ELAVL2: variants seen among roughly 807,000 people sequenced by gnomAD.
ELAVL2 encodes the protein ELAV like RNA binding protein 2.
A neutral mutation model predicts 34.6 loss-of-function variants in ELAVL2; 4 were observed. The observed-to-expected ratio is 0.12, with a 90% CI of 0.06 to 0.26. The LOEUF (loss-of-function observed/expected upper bound fraction) is 0.26. Ranked by LOEUF, ELAVL2 falls within the 10% of genes least tolerant of loss-of-function variation. ELAVL2 has a pLI of 1.00. For missense variants in ELAVL2, 432 were observed against 442.8 expected (o/e 0.98, Z 0.22); for synonymous variants, 193 against 154.8 (o/e 1.25, Z -1.83).
intron 1 of ELAVL2, among the ~76,000 whole-genome samples, chr9:23,762,514 CT>C (rs2055273050): frequency 6.6e-6 from 1 of 152,098 alleles, no homozygotes; most frequent in South Asian, 2.1e-4. Flanking sequence ...GAATCACATT[CT>C]GGGTCTATTC....
the ELAVL2 span, among the ~76,000 whole-genome samples, chr9:23,840,329 T>A: frequency 6.6e-6 from 1 of 152,174 alleles, no homozygotes; most frequent in African/African-American, 2.4e-5. Context: ...TTTTTTCTTT[T>A]CAAGTACAGA....
In ELAVL2 at chr9:23,780,107, C is replaced by T. The variant is rs371054285; in HGVS notation, c.-15-17858G>A. 8.8e-5 allele frequency among the ~76,000 whole-genome samples: 13 copies of T among 147,052 alleles called. No homozygotes were observed. The East Asian group carries it at 2.5e-3, about 28-fold the overall frequency. On this transcript the variant is annotated intron_variant, in intron 1 of 6. Coordinates refer to ENST00000397312, the MANE Select transcript of ELAVL2 (RefSeq NM_004432.5). ...TTCCTAAATCTGCAGAGAATATCATCTATTCTACAAAACCTCACACATAAC... is the reference window on the plus strand; with the variant it reads ...TTCCTAAATCTGCAGAGAATATCATTTATTCTACAAAACCTCACACATAAC...
upstream of ELAVL2, among the ~76,000 whole-genome samples, chr9:23,828,622 GT>G (rs962243770): frequency 3.3e-5 from 5 of 151,636 alleles, no homozygotes; most frequent in African/African-American, 9.7e-5. Context: ...AGTATTTATG[GT>G]TTTTTTTCAG....
At chr9:23,838,939 C>T in the ELAVL2 span, among the ~76,000 whole-genome samples, 1 of 152,200 alleles carries the variant, frequency 6.6e-6, no homozygotes, top group South Asian at 2.1e-4. Flanking sequence ...TTTTCATATT[C>T]TTTAATTTTT....
At chr9:23,743,721 TA>T (rs771626266) in intron 2 of ELAVL2, among the ~76,000 whole-genome samples, 5 of 152,184 alleles carry the variant, frequency 3.3e-5, no homozygotes, top group Non-Finnish European at 5.9e-5. Context: ...CAAGTACTCT[TA>T]AATGTATAAC....
At chr9:23,721,233 A>T (rs764540846) in intron 3 of ELAVL2, among the ~76,000 whole-genome samples, 22 of 152,352 alleles carry the variant, frequency 1.4e-4, no homozygotes, top group Middle Eastern at 3.4e-3. Context: ...CCAAGAACCC[A>T]GACTGGCTGG....
intron 5 of ELAVL2, among the ~76,000 whole-genome samples, chr9:23,697,487 T>C (rs2035660635): frequency 6.6e-6 from 1 of 152,218 alleles, no homozygotes; most frequent in African/African-American, 2.4e-5. Flanking sequence ...GTCTCATCTT[T>C]ATCCTTTTTT....
chr9:23,845,951 G>A, the ELAVL2 span, among the ~76,000 whole-genome samples: 25 of 151,780 alleles, frequency 1.6e-4, no homozygotes, highest in Non-Finnish European at 3.0e-4. Flanking sequence ...TGTCAATGAT[G>A]TCCTTAAACA....
At position 23,799,366 on chromosome 9, in the gene ELAVL2, GA is replaced by G. The variant is rs1032829221; in HGVS notation, c.-16+26439del. Among the ~76,000 whole-genome samples, 3 of 152,238 alleles carry G rather than the reference GA, an allele frequency of 2.0e-5. No homozygotes were observed. The East Asian group carries it at 5.8e-4, about 29-fold the overall frequency. On this transcript the variant is annotated intron_variant, in intron 1 of 6. Transcript: ENST00000397312. ...TCCCATCCCGCATTTTAAGAGATAA[GA>G]AACCCAGGACCTGAAAAGTGAGTAT... is the stretch of plus-strand genomic sequence containing the variant.
intron 1 of ELAVL2, among the ~76,000 whole-genome samples, chr9:23,773,070 AG>A (rs1484350605): frequency 6.6e-6 from 1 of 152,172 alleles, no homozygotes; most frequent in Non-Finnish European, 1.5e-5. Flanking sequence ...AAGAAAAAAA[AG>A]TGGGGGAGGG....
At chr9:23,843,293 G>T in the ELAVL2 span, among the ~76,000 whole-genome samples, 1 of 151,916 alleles carries the variant, frequency 6.6e-6, no homozygotes, top group Non-Finnish European at 1.5e-5. Flanking sequence ...AATGAACACA[G>T]GGAAATAAAA....
intron 1 of ELAVL2, among the ~76,000 whole-genome samples, chr9:23,794,454 A>G (rs2060676153): frequency 6.6e-6 from 1 of 152,234 alleles, no homozygotes; most frequent in African/African-American, 2.4e-5. Context: ...CAGAGTTCCT[A>G]AAAGCTTCTG....
chr9:23,771,191 C>A (rs2057243844), intron 1 of ELAVL2, among the ~76,000 whole-genome samples: 1 of 152,130 alleles, frequency 6.6e-6, no homozygotes, highest in Middle Eastern at 3.2e-3. Context: ...GGGGAGAAGT[C>A]ATCAGATTCT....
intron 4 of ELAVL2, among the ~76,000 whole-genome samples, chr9:23,702,160 C>A (rs770913788): frequency 2.0e-5 from 3 of 152,076 alleles, no homozygotes; most frequent in African/African-American, 7.2e-5. Context: ...GATATAGGTC[C>A]TTTAGGAAAA....
chr9:23,692,777 G>A lies in ELAVL2; in HGVS notation c.860C>T (p.Ala287Val), dbSNP rs1182927791. 6.2e-7 allele frequency: 1 copy of A among 1,614,048 alleles called. No individual in the cohort carries two copies. Among genetic ancestry groups the A allele is most frequent in the African/African-American group, 1.3e-5 (1 of 74,924 alleles). Reference protein sequence around the residue: ...CIFVYNLAPDADESILWQMFG... With the variant: ...CIFVYNLAPDVDESILWQMFG... Reference sequence around the variant, plus strand: ...CATTTGCCACAGGATACTCTCATCTGCGTCAGGAGCCAGGTTGTACACAAA... The same window carrying A: ...CATTTGCCACAGGATACTCTCATCTACGTCAGGAGCCAGGTTGTACACAAA... Residue 287 changes from alanine (A) to valine (V), a missense_variant, in exon 7 of 7, where the codon GCA becomes GTA. Physicochemically the swap from Ala to Val is moderately conservative, Grantham distance 64 (BLOSUM62 0). Coordinates refer to ENST00000397312, the MANE Select transcript of ELAVL2 (RefSeq NM_004432.5).
chr9:23,810,135 T>A (rs2062785990), intron 1 of ELAVL2, among the ~76,000 whole-genome samples: 1 of 152,158 alleles, frequency 6.6e-6, no homozygotes, highest in Admixed American at 6.5e-5. Flanking sequence ...TTCTTGATTT[T>A]AACAGCATCC....
chr9:23,720,376 T>C (rs1045182389), intron 3 of ELAVL2, among the ~76,000 whole-genome samples: 1 of 150,848 alleles, frequency 6.6e-6, no homozygotes, highest in East Asian at 2.0e-4. Context: ...GGTTTCGTCA[T>C]GTTGGCGGCC....
Position 23,705,972 on chromosome 9 carries a change from T to TA in ELAVL2, c.334-902dup, listed in dbSNP as rs374553742. The stretch of plus-strand genomic sequence containing the variant: ...TGTGTGGGTGGTAGTGCTACATTTC[T>TA]AAAAAAAAATTCACCCTTATCAGTA... On this transcript the variant is annotated intron_variant, in intron 3 of 6. Coordinates refer to ENST00000397312, the MANE Select transcript of ELAVL2 (RefSeq NM_004432.5). Among the ~76,000 whole-genome samples the TA allele has an allele frequency of 3.3e-3, 502 of 151,834 alleles. 4 individuals carry two copies. Among genetic ancestry groups the TA allele is most frequent in the Non-Finnish European group, 5.6e-3 (381 of 67,920 alleles).
chr9:23,795,617 T>C (rs531415950), intron 1 of ELAVL2, among the ~76,000 whole-genome samples: 23 of 152,230 alleles, frequency 1.5e-4, no homozygotes, highest in Admixed American at 2.0e-4. Flanking sequence ...TCCATAGTCA[T>C]TGATATATAA....
Sources: allele counts gnomAD v4.1 joint callset (sites outside exome capture counted in the v4.1 genomes callset), GRCh38; gene constraint gnomAD v4.1.1; transcripts MANE v1.5; gene names NCBI Gene and HGNC (gene_info 2026-07-23, HGNC 2026-07-21).